The following CEP170B variants were observed in gnomAD, a reference collection of about 807,000 sequenced individuals.
The protein encoded by CEP170B is centrosomal protein of 170 kDa protein B.
In CEP170B, 55 loss-of-function variants were observed where a neutral mutation model predicts 120.6. That is an observed-to-expected ratio of 0.46 (90% CI 0.37 to 0.57). The LOEUF is 0.57. CEP170B is among the 20% of genes least tolerant of loss of function. The probability of loss-of-function intolerance (pLI) is 0.00; values close to 1 mark genes in which losing one functional copy is unlikely to be tolerated. For synonymous variants in CEP170B, 1,033 were observed against 954.5 expected (o/e 1.08, Z -1.52); for missense variants, 2,212 against 2,253.3 (o/e 0.98, Z 0.37).
At position 104,893,664 on chromosome 14, in the gene CEP170B, G is replaced by T; in HGVS notation, c.4180G>T (p.Glu1394Ter). ...CAAGACGCGGCCTCGGAACCGAGAG[G>T]AGGCACGGTGCCCACTACCGCCACG... ...ANKTRPRNRE[E>*]VIFDNLMLNP... Residue 1394 changes from glutamate to a stop codon, truncating the protein, a stop_gained and splice_region_variant, in exon 15 of 19, where the codon GAG becomes TAG. Coordinates refer to ENST00000414716, the MANE Select transcript of CEP170B (RefSeq NM_001112726.3). LOFTEE classifies it high-confidence loss of function. The T allele has an allele frequency of 6.3e-7, 1 of 1,585,026 alleles. No individual in the cohort carries two copies. The highest frequency in any genetic ancestry group is 2.3e-5 in the East Asian group (1 of 43,130).
chr14:104,877,537 A>G (rs1222167481), intron 3 of CEP170B, among the ~76,000 whole-genome samples: 1 of 152,226 alleles, frequency 6.6e-6, no homozygotes. Context: ...CATGGGGCCA[A>G]GGTGGGGGCT....
At chr14:104,879,288 C>G (rs1373990666) in intron 5 of CEP170B, among the ~76,000 whole-genome samples, 1 of 152,040 alleles carries the variant, frequency 6.6e-6, no homozygotes. Flanking sequence ...TGGCGTTCCT[C>G]TGGGTGAAGG....
Position 104,894,578 on chromosome 14 carries a change from A to G in CEP170B, c.4407A>G (p.Lys1469=). 7 of 1,612,120 alleles carry G rather than the reference A, an allele frequency of 4.3e-6. No individual in the cohort carries two copies. Among genetic ancestry groups the G allele is most frequent in the Non-Finnish European group, 5.9e-6 (7 of 1,178,814 alleles). The change falls in exon 18 of 19, where the codon AAA becomes AAG. Residue 1469 remains lysine, a synonymous_variant. Coordinates refer to ENST00000414716, the MANE Select transcript of CEP170B (RefSeq NM_001112726.3). ...SILKELRRVQ[K]QLEVINAIVD... Reference sequence around the variant, plus strand: ...TGAAGGAACTGAGGCGGGTGCAGAAACAGCTGGAAGGTGAGTGTGGCCCAA... The same window carrying G: ...TGAAGGAACTGAGGCGGGTGCAGAAGCAGCTGGAAGGTGAGTGTGGCCCAA...
intron 11 of CEP170B, 51 bp downstream of exon 11, chr14:104,886,181 C>T: frequency 6.7e-7 from 1 of 1,484,798 alleles, no homozygotes; most frequent in Non-Finnish European, 8.9e-7. Context: ...GGGCGGGCCT[C>T]AGGCCACTGA....
At chr14:104,889,464 T>G in intron 12 of CEP170B, 156 bp from the exon 13 acceptor site, 1 of 1,507,816 alleles carries the variant, frequency 6.6e-7, no homozygotes, top group Non-Finnish European at 8.9e-7. Context: ...CACAGGGTGC[T>G]GAGTGCTGCT....
chr14:104,894,550 T>C lies in CEP170B; in HGVS notation c.4379T>C (p.Ile1460Thr), dbSNP rs1340646259. The C allele has an allele frequency of 6.2e-7, 1 of 1,612,702 alleles. No homozygotes were observed. The change falls in exon 18 of 19, where the codon ATC becomes ACC. Residue 1460 changes from isoleucine (I) to threonine (T), a missense_variant. Physicochemically the swap from Ile to Thr is moderately conservative, Grantham distance 89. Coordinates refer to ENST00000414716, the MANE Select transcript of CEP170B (RefSeq NM_001112726.3). The part of the protein sequence containing the change: ...LKTSNKEISS[I>T]LKELRRVQKQ... ...CCACGTTTCCAGGAAATCAGCTCCA[T>C]CCTGAAGGAACTGAGGCGGGTGCAG...
Position 104,887,051 on chromosome 14 carries a change from G to A in CEP170B, c.2812G>A (p.Glu938Lys), listed in dbSNP as rs1896560180. 1 of 1,611,354 alleles carries A rather than the reference G, an allele frequency of 6.2e-7. No individual in the cohort carries two copies. The highest frequency in any genetic ancestry group is 1.7e-5 in the Admixed American group (1 of 60,002). The change falls in exon 12 of 19, where the codon GAG becomes AAG. Residue 938 changes from glutamate (E) to lysine (K), a missense_variant. Physicochemically the swap from Glu to Lys is moderately conservative, Grantham distance 56 (BLOSUM62 1). Coordinates refer to ENST00000414716, the MANE Select transcript of CEP170B (RefSeq NM_001112726.3). ...CTCTAATTCTGTGGATGCCGAGTGT[G>A]AGGGGGGCAGCACCCCGAGGCCGCC... Reference protein sequence around the residue: ...LLSNSVDAECEGGSTPRPPED... With the variant: ...LLSNSVDAECKGGSTPRPPED...
chr14:104,890,781 GTAGA>G (rs1470215913), intron 13 of CEP170B, among the ~76,000 whole-genome samples: 13 of 101,612 alleles, frequency 1.3e-4, no homozygotes, highest in African/African-American at 4.4e-4. Context: ...GGATGAGTGG[GTAGA>G]TGGATGGATG....
rs1413972271 is a variant in CEP170B, at chr14:104,868,651, C to T, written c.105+96C>T. 3 of 1,238,764 alleles carry T rather than the reference C, an allele frequency of 2.4e-6. No homozygotes were observed. Among genetic ancestry groups the T allele is most frequent in the Non-Finnish European group, 3.3e-6 (3 of 896,498 alleles). 76.7% of individuals were successfully genotyped at this position (1,238,764 alleles called of 1,614,324 possible). ...GCCCACCCCACTTGCTGCAGGCCAC[C>T]CTGGCGAGGAGGCCGCCATGCAGCC... is the stretch of plus-strand genomic sequence containing the variant. On this transcript the variant is annotated intron_variant, in intron 2 of 18. Transcript: ENST00000414716. The surrounding 1 kb of genome is among the most constrained non-coding windows in gnomAD (Gnocchi z 5.9).
Position 104,886,470 on chromosome 14 carries a change from C to G in CEP170B, c.2231C>G (p.Pro744Arg), listed in dbSNP as rs1469250666. 4.5e-6 allele frequency: 7 copies of G among 1,554,268 alleles called. No homozygotes were observed. Among genetic ancestry groups the G allele is most frequent in the Non-Finnish European group, 6.1e-6 (7 of 1,152,576 alleles). Residue 744 changes from proline to arginine, a missense_variant, in exon 12 of 19, where the codon CCT becomes CGT. Physicochemically the swap from Pro to Arg is moderately radical, Grantham distance 103. Coordinates refer to ENST00000414716, the MANE Select transcript of CEP170B (RefSeq NM_001112726.3). Reference sequence around the variant, plus strand: ...CTCTTCGGCCAGGAGGAGTTGGATCCTGACAGCCTCAGCGATGCCAGTGGG... The same window carrying G: ...CTCTTCGGCCAGGAGGAGTTGGATCGTGACAGCCTCAGCGATGCCAGTGGG... The part of the protein sequence containing the change: ...SRLFGQEELD[P>R]DSLSDASGSD...
intron 12 of CEP170B, among the ~76,000 whole-genome samples, chr14:104,889,043 G>A (rs981011561): frequency 1.3e-5 from 2 of 152,240 alleles, no homozygotes; most frequent in Non-Finnish European, 2.9e-5. Context: ...CCAGGAGGGC[G>A]GAACCTGAAG....
chr14:104,872,493 T>TGGGTGTGCC (rs55649947), intron 2 of CEP170B, among the ~76,000 whole-genome samples: 7 of 80,472 alleles, frequency 8.7e-5, no homozygotes, highest in East Asian at 5.2e-4. Flanking sequence ...GTGTGCCGTG[T>TGGGTGTGCC]GTGTGTGCGT....
At chr14:104,873,261 T>G (rs1251495363) in intron 2 of CEP170B, among the ~76,000 whole-genome samples, 4 of 117,642 alleles carry the variant, frequency 3.4e-5, no homozygotes, top group Admixed American at 1.0e-4. Flanking sequence ...GGGGACTCTG[T>G]GCTGAGTCAA....
intron 2 of CEP170B, among the ~76,000 whole-genome samples, chr14:104,872,482 T>TGTGTGG (rs1566852794): frequency 9.4e-5 from 10 of 106,116 alleles, no homozygotes; most frequent in Non-Finnish European, 2.1e-4. Flanking sequence ...TGTGTGTGCG[T>TGTGTGG]GTGTGCCGTG....
chr14:104,894,807 G>C lies in CEP170B; in HGVS notation c.4514G>C (p.Arg1505Pro). The C allele has an allele frequency of 6.2e-7, 1 of 1,608,334 alleles. No individual in the cohort carries two copies. Among genetic ancestry groups the C allele is most frequent in the Non-Finnish European group, 8.5e-7 (1 of 1,179,202 alleles). ...SSAQPGLGKGRVAAQSPPSPA... is the reference protein window; with the variant it reads ...SSAQPGLGKGPVAAQSPPSPA... ...GCACAGCCGGGGCTGGGGAAGGGCC[G>C]CGTGGCTGCCCAGAGCCCACCCTCA... is the stretch of plus-strand genomic sequence containing the variant. Residue 1505 changes from arginine to proline, a missense_variant, in exon 19 of 19, where the codon CGC (arginine) becomes CCC (proline). Around this residue, in one of 2 missense-constraint regions of CEP170B, gnomAD observed 2,166 missense variants for 2,166.7 expected, o/e 1.00. Coordinates refer to ENST00000414716, the MANE Select transcript of CEP170B (RefSeq NM_001112726.3).
At chr14:104,872,177 G>A (rs1322179413) in intron 2 of CEP170B, among the ~76,000 whole-genome samples, 5 of 143,466 alleles carry the variant, frequency 3.5e-5, no homozygotes, top group East Asian at 2.1e-4. Flanking sequence ...GTGTGTGTGC[G>A]TGTGTGTGCT....
At position 104,887,303 on chromosome 14, in the gene CEP170B, C is replaced by A; in HGVS notation, c.3064C>A (p.Arg1022Ser). The A allele has an allele frequency of 6.2e-7, 1 of 1,609,892 alleles. No individual in the cohort carries two copies. Among genetic ancestry groups the A allele is most frequent in the African/African-American group, 1.3e-5 (1 of 75,016 alleles). ...HHPLGPTDMG[R>S]GEPVRRSAIR... Reference sequence around the variant, plus strand: ...CCCACTTGGCCCGACGGACATGGGCCGTGGAGAGCCGGTACGGCGCTCAGC... The same window carrying A: ...CCCACTTGGCCCGACGGACATGGGCAGTGGAGAGCCGGTACGGCGCTCAGC... Residue 1022 changes from arginine to serine, a missense_variant, in exon 12 of 19, where the codon CGT (arginine) becomes AGT (serine). Arg to Ser is a moderately radical substitution (Grantham distance 110). Transcript: ENST00000414716.
chr14:104,872,320 G>T (rs1348658402), intron 2 of CEP170B, among the ~76,000 whole-genome samples: 1 of 69,454 alleles, frequency 1.4e-5, no homozygotes, highest in Non-Finnish European at 3.5e-5. Flanking sequence ...CGTGTGTGCC[G>T]TGGGTGTGCG....
In CEP170B at chr14:104,868,412, C is replaced by T. The variant is rs1295706189; in HGVS notation, c.-27-12C>T. On this transcript the variant is annotated splice_polypyrimidine_tract_variant and intron_variant, in intron 1 of 18. Transcript: ENST00000414716. The surrounding 1 kb of genome is among the most constrained non-coding windows in gnomAD (Gnocchi z 5.9). ...CCAGGGAGCCCCACTCTAACAATCCCCTCTTCCCCAGGGCCAGACGGGCCC... is the reference window on the plus strand; with the variant it reads ...CCAGGGAGCCCCACTCTAACAATCCTCTCTTCCCCAGGGCCAGACGGGCCC... The T allele has an allele frequency of 6.5e-6, 10 of 1,534,178 alleles. No homozygotes were observed. In the Admixed American group the frequency reaches 1.6e-4, roughly 24 times the overall value.
Sources: gnomAD v4.1 joint callset for allele counts (sites outside exome capture counted in the v4.1 genomes callset) on GRCh38, gnomAD v4.1.1 for gene constraint, gnomAD v4.1.1 regional missense constraint, Gnocchi (gnomAD v3.1) non-coding constraint, MANE v1.5 for transcripts, NCBI Gene and HGNC (gene_info 2026-07-23, HGNC 2026-07-21) for gene names.